The following GTF3C2 variants were observed in gnomAD, a reference collection of about 807,000 sequenced individuals.
GTF3C2 encodes general transcription factor IIIC subunit 2.
Under a neutral mutation model 117.4 loss-of-function variants are expected in GTF3C2, and 17 were observed. The ratio of observed to expected loss-of-function variants is 0.14; its 90% CI spans 0.10 to 0.22. The LOEUF is 0.22. Among genes scored for constraint, GTF3C2 ranks in the 10% least tolerant of loss-of-function variants. The pLI, the probability that GTF3C2 is intolerant of heterozygous loss-of-function variation, is 1.00. For synonymous variants in GTF3C2, 437 were observed against 427.0 expected, an observed-to-expected ratio of 1.02 and a Z score of -0.29; for missense variants, 888 against 1,143.6, an observed-to-expected ratio of 0.78 and a Z score of 3.22.
chr2:27,355,245 G>A (rs1294383921), intron 1 of GTF3C2, among the ~76,000 whole-genome samples: 4 of 152,070 alleles, frequency 2.6e-5, no homozygotes, highest in Admixed American at 1.3e-4. Context: ...TTGCCTGGCC[G>A]GGCACGGTGG....
exon 9 of GTF3C2, chr2:27,335,921 C>T (rs138945954): frequency 8.1e-6 from 13 of 1,597,818 alleles, no homozygotes; most frequent in Middle Eastern, 3.3e-4. Context: ...AAGTACCTTC[C>T]GAGGGGTGCC....
intron 1 of GTF3C2, among the ~76,000 whole-genome samples, chr2:27,350,836 C>A (rs573217902): frequency 2.8e-4 from 42 of 151,602 alleles, no homozygotes; most frequent in African/African-American, 9.7e-4. Flanking sequence ...GTAATCCCAG[C>A]TACTCGGGAG....
chr2:27,342,898 T>A (rs1401312940), exon 3 of GTF3C2: 1 of 1,612,808 alleles, frequency 6.2e-7, no homozygotes, highest in East Asian at 2.2e-5. Context: ...CTTTGGAGAT[T>A]GAGATTCTGG....
At chr2:27,326,855 C>T (rs755500154) in exon 19 of GTF3C2, 7 of 1,613,646 alleles carry the variant, frequency 4.3e-6, no homozygotes, top group Non-Finnish European at 5.9e-6. Context: ...CCCCAGATAC[C>T]AGCCATCCAT....
chr2:27,335,866 T>A, intron 9 of GTF3C2, 51 bp downstream of exon 9: 1 of 1,304,796 alleles, frequency 7.7e-7, no homozygotes. Flanking sequence ...CCAGGGCCTC[T>A]TTGTCCTGGC....
intron 1 of GTF3C2, chr2:27,350,477 G>T (rs1269044948): frequency 3.0e-6 from 3 of 985,464 alleles, no homozygotes; most frequent in African/African-American, 3.5e-5. Flanking sequence ...AACTGGGAAG[G>T]TGCTCTTATT....
At position 27,329,075 on chromosome 2, in the gene GTF3C2, A is replaced by T; in HGVS notation, c.2039+46T>A. On this transcript the variant is annotated intron_variant, in intron 14 of 18. Coordinates refer to ENST00000264720, the Ensembl canonical transcript of GTF3C2. This position sits in a 1 kb window ranked among gnomAD's most constrained non-coding sequence, Gnocchi z 4.5. ...ACAATCTGGCATGCTTTGCATTCCAACCCTTAGGGCCTGTCCCTAGAGGTC... is the reference window on the plus strand; with the variant it reads ...ACAATCTGGCATGCTTTGCATTCCATCCCTTAGGGCCTGTCCCTAGAGGTC... The T allele has an allele frequency of 6.2e-7, 1 of 1,602,682 alleles. No homozygotes were observed. Among genetic ancestry groups the T allele is most frequent in the South Asian group, 1.1e-5 (1 of 90,838 alleles).
exon 18 of GTF3C2, chr2:27,327,276 G>C: frequency 6.4e-7 from 1 of 1,569,622 alleles, no homozygotes; most frequent in Non-Finnish European, 8.8e-7. Context: ...GCAGATCATG[G>C]AATGAACCCT....
rs77601976 is a variant in GTF3C2, at chr2:27,343,257, C to T, written c.247+51G>A. 6,000 of 1,583,492 alleles carry T rather than the reference C, an allele frequency of 3.8e-3. 189 individuals carry two copies. The African/African-American group carries it at 0.07, about 18-fold the overall frequency. On this transcript the variant is annotated intron_variant, in intron 2 of 18. Transcript: ENST00000264720. ...ATCCTATGAGCTCAATCTGCTCTTT[C>T]ATCTTAAGCTTGGCATGGGGAATAA...
At chr2:27,334,094 T>C in intron 10 of GTF3C2, 95 bp from the exon 11 acceptor site, 1 of 865,246 alleles carries the variant, frequency 1.2e-6, no homozygotes, top group Admixed American at 1.8e-5. Flanking sequence ...GGCATGATCA[T>C]GGCTCACTGC....
At chr2:27,326,576 G>T in exon 19 of GTF3C2, 2 of 857,428 alleles carry the variant, frequency 2.3e-6, no homozygotes, top group Non-Finnish European at 3.8e-6. Context: ...GGCCTGGCAT[G>T]ATCACTGTCC....
chr2:27,347,529 T>C (rs542122090), intron 1 of GTF3C2, among the ~76,000 whole-genome samples: 1 of 152,296 alleles, frequency 6.6e-6, no homozygotes, highest in South Asian at 2.1e-4. Flanking sequence ...CTGACAGAAC[T>C]ACCCCATTCA....
At chr2:27,335,516 G>T (rs555363833) in intron 10 of GTF3C2, 82 bp downstream of exon 10, 1 of 788,778 alleles carries the variant, frequency 1.3e-6, no homozygotes, top group African/African-American at 1.7e-5. Context: ...CTGGCCCAGA[G>T]GAGTTTCCAG....
In GTF3C2 at chr2:27,355,256, C is replaced by T. The variant is rs192605438; in HGVS notation, c.-25+1483G>A. On this transcript the variant is annotated intron_variant, in intron 1 of 18. Coordinates refer to ENST00000264720, the Ensembl canonical transcript of GTF3C2. ...TAATTTGCCTGGCCGGGCACGGTGG[C>T]TCACGCCTGTAATCCCAGCACTTTA... is the stretch of plus-strand genomic sequence containing the variant. 6.8e-4 allele frequency among the ~76,000 whole-genome samples: 104 copies of T among 152,314 alleles called. 1 individual carries two copies. The East Asian group carries it at 9.2e-3, about 14-fold the overall frequency.
intron 15 of GTF3C2, 108 bp from the exon 16 acceptor site, chr2:27,328,704 C>T (rs1299370286): frequency 1.8e-6 from 2 of 1,111,260 alleles, no homozygotes; most frequent in African/African-American, 3.1e-5. Context: ...ATGAGTTTAC[C>T]ATAACCGACA....
intron 4 of GTF3C2, chr2:27,341,439 G>T (rs771918402): frequency 2.6e-5 from 4 of 155,128 alleles, no homozygotes; most frequent in Non-Finnish European, 5.7e-5. Context: ...GGTTCCTATA[G>T]GTCTATGTCC....
rs1248128395 is a variant in GTF3C2, at chr2:27,343,226, TG to T, written c.248-80del. ...GAAAAGATTACACTGTACCCAGGTT[TG>T]TAAGATCCTATGAGCTCAATCTGCT... On this transcript the variant is annotated intron_variant, in intron 2 of 18. Transcript: ENST00000264720. 3.3e-6 allele frequency: 5 copies of T among 1,531,614 alleles called. No homozygotes were observed. In the African/African-American group the frequency reaches 6.9e-5, roughly 21 times the overall value. The allele number at this position is 1,531,614 out of a possible 1,614,324, so 94.9% of individuals were successfully genotyped here.
intron 12 of GTF3C2, among the ~76,000 whole-genome samples, chr2:27,332,501 G>A (rs771598352): frequency 1.6e-4 from 25 of 151,660 alleles, no homozygotes; most frequent in Non-Finnish European, 3.4e-4. Context: ...TGCAAACTCC[G>A]CCTCCCGGGT....
intron 1 of GTF3C2, among the ~76,000 whole-genome samples, chr2:27,352,869 T>C (rs1681182623): frequency 6.6e-6 from 1 of 152,190 alleles, no homozygotes; most frequent in Non-Finnish European, 1.5e-5. Context: ...ACTACTTTCT[T>C]GAAACATTCA....
Sources: allele counts gnomAD v4.1 joint callset (sites outside exome capture counted in the v4.1 genomes callset), GRCh38; gene constraint gnomAD v4.1.1; non-coding constraint Gnocchi (gnomAD v3.1); transcripts MANE v1.5; gene names NCBI Gene and HGNC (gene_info 2026-07-23, HGNC 2026-07-21).